The following MAPKAP1 variants were observed in gnomAD, a reference collection of about 807,000 sequenced individuals.
MAPKAP1 encodes MAPK associated protein 1, also known as target of rapamycin complex 2 subunit MAPKAP1.
In MAPKAP1, 20 loss-of-function variants were observed where a neutral mutation model predicts 65.7. The observed-to-expected ratio is 0.30, with a 90% CI of 0.21 to 0.44. MAPKAP1 has a LOEUF of 0.44. MAPKAP1 is among the 20% of genes least tolerant of loss of function. The pLI, the probability that MAPKAP1 is intolerant of heterozygous loss-of-function variation, is 1.00. For synonymous variants in MAPKAP1, 222 were observed against 244.3 expected (o/e 0.91, Z 0.85); for missense variants, 423 against 648.0 (o/e 0.65, Z 3.77).
chr9:125,527,996 C>T (rs1426488661), intron 7 of MAPKAP1, among the ~76,000 whole-genome samples: 1 of 152,196 alleles, frequency 6.6e-6, no homozygotes, highest in African/African-American at 2.4e-5. Flanking sequence ...AGACACGTGG[C>T]TACGAGCTGT....
At chr9:125,537,960 T>C (rs1830120772) in intron 7 of MAPKAP1, among the ~76,000 whole-genome samples, 1 of 152,116 alleles carries the variant, frequency 6.6e-6, no homozygotes, top group South Asian at 2.1e-4. Context: ...TGGCCTTGAG[T>C]GCCCAGGGTC....
At chr9:125,677,567 G>A (rs1403238224) in intron 1 of MAPKAP1, among the ~76,000 whole-genome samples, 1 of 152,028 alleles carries the variant, frequency 6.6e-6, no homozygotes, top group Non-Finnish European at 1.5e-5. Context: ...GTGGTGGTGC[G>A]TACCTATAGT....
chr9:125,508,072 G>C (rs954548434), intron 7 of MAPKAP1, among the ~76,000 whole-genome samples: 4 of 152,010 alleles, frequency 2.6e-5, no homozygotes, highest in African/African-American at 9.7e-5. Flanking sequence ...AGGCTGAGGC[G>C]GGGGGATTGC....
chr9:125,651,407 C>T (rs1276850619), intron 4 of MAPKAP1, among the ~76,000 whole-genome samples: 1 of 151,828 alleles, frequency 6.6e-6, no homozygotes, highest in Non-Finnish European at 1.5e-5. Flanking sequence ...GAGTTTGAGA[C>T]GAGCCTGGCC....
chr9:125,576,549 C>T (rs893327602), intron 5 of MAPKAP1, among the ~76,000 whole-genome samples: 3 of 152,204 alleles, frequency 2.0e-5, no homozygotes, highest in African/African-American at 7.2e-5. Context: ...TCTCTTTCCA[C>T]GGTCTCCCTC....
At chr9:125,524,136 C>G (rs1413893669) in intron 7 of MAPKAP1, among the ~76,000 whole-genome samples, 1 of 152,210 alleles carries the variant, frequency 6.6e-6, no homozygotes, top group East Asian at 1.9e-4. Context: ...AATACACTCC[C>G]AGCACTTTAA....
At chr9:125,457,670 T>C (rs1287057487) in intron 10 of MAPKAP1, among the ~76,000 whole-genome samples, 1 of 152,240 alleles carries the variant, frequency 6.6e-6, no homozygotes, top group Non-Finnish European at 1.5e-5. Context: ...TCAAGATTCC[T>C]TTTAAGGTTT....
At position 125,505,963 on chromosome 9, in the gene MAPKAP1, T is replaced by TA. The variant is rs149736666; in HGVS notation, c.1066+346dup. ...AATTTTCTAAAACCTGATGTCTGAA[T>TA]AGTGATACTGACAGGGCCAGCTGCT... On this transcript the variant is annotated intron_variant, in intron 8 of 11. Transcript: ENST00000265960. 2.5e-3 allele frequency: 721 copies of TA among 283,828 alleles called. 19 individuals carry two copies. Among genetic ancestry groups the TA allele is most frequent in the East Asian group, 0.023 (309 of 13,262 alleles). 17.6% of individuals were successfully genotyped at this position (283,828 alleles called of 1,614,324 possible). A position where few individuals can be genotyped will look rare whatever the true frequency, so the allele number is the denominator to read the frequency against.
chr9:125,603,146 C>A (rs557085862), intron 4 of MAPKAP1, among the ~76,000 whole-genome samples: 1 of 152,084 alleles, frequency 6.6e-6, no homozygotes, highest in South Asian at 2.1e-4. Context: ...TGGGCTCAAA[C>A]GAGCCTCCCA....
Position 125,582,650 on chromosome 9 carries a change from C to T in MAPKAP1, c.671+2905G>A, listed in dbSNP as rs373385640. 1.1e-4 allele frequency among the ~76,000 whole-genome samples: 17 copies of T among 152,148 alleles called. No homozygotes were observed. In the South Asian group the frequency reaches 1.2e-3, roughly 11 times the overall value. ...CACTGCTCTCTCTATTCCTTGGCAC[C>T]CCAGAAACACAACTTTAAATGAGCC... On this transcript the variant is annotated intron_variant, in intron 5 of 11. Coordinates refer to ENST00000265960, the MANE Select transcript of MAPKAP1 (RefSeq NM_001006617.3).
At chr9:125,606,554 T>C (rs1458811291) in intron 4 of MAPKAP1, among the ~76,000 whole-genome samples, 1 of 152,184 alleles carries the variant, frequency 6.6e-6, no homozygotes, top group Non-Finnish European at 1.5e-5. Flanking sequence ...TGAGATACTG[T>C]CCTCGCACAT....
chr9:125,502,101 C>CTTTTTTTTTTTTT (rs569835380), intron 8 of MAPKAP1, among the ~76,000 whole-genome samples: 1 of 144,552 alleles, frequency 6.9e-6, no homozygotes, highest in Non-Finnish European at 1.5e-5. Context: ...CTTTCTTCTT[C>CTTTTTTTTTTTTT]TTTTTTTTTT....
At chr9:125,461,166 A>C (rs571561384) in intron 10 of MAPKAP1, among the ~76,000 whole-genome samples, 1 of 152,226 alleles carries the variant, frequency 6.6e-6, no homozygotes, top group Non-Finnish European at 1.5e-5. Flanking sequence ...GAACCTAAGA[A>C]GACAGTTCAA....
At chr9:125,582,008 T>G (rs981031049) in intron 5 of MAPKAP1, among the ~76,000 whole-genome samples, 1 of 152,136 alleles carries the variant, frequency 6.6e-6, no homozygotes, top group African/African-American at 2.4e-5. Context: ...AGCCTTTGAA[T>G]CTTTCCTTCA....
At chr9:125,545,927 C>A (rs1350553294) in intron 6 of MAPKAP1, among the ~76,000 whole-genome samples, 4 of 152,196 alleles carry the variant, frequency 2.6e-5, no homozygotes, top group Admixed American at 6.5e-5. Flanking sequence ...TCTTTTGTTA[C>A]AGAATACATA....
chr9:125,621,345 G>A (rs971661332), intron 4 of MAPKAP1, among the ~76,000 whole-genome samples: 1 of 151,904 alleles, frequency 6.6e-6, no homozygotes, highest in African/African-American at 2.4e-5. Flanking sequence ...TGGTGGACAT[G>A]TACTATCTCA....
rs374009285 is a variant in MAPKAP1, at chr9:125,520,990, T to G, written c.959-14573A>C. Among the ~76,000 whole-genome samples the G allele has an allele frequency of 1.2e-4, 19 of 152,326 alleles. 1 individual carries two copies. In the East Asian group the frequency reaches 3.5e-3, roughly 28 times the overall value. ...CCCAGGTCCATCTTCAGTAGCCACC[T>G]ATCCCAACACATATCCTACCAAAGT... On this transcript the variant is annotated intron_variant, in intron 7 of 11. Coordinates refer to ENST00000265960, the MANE Select transcript of MAPKAP1 (RefSeq NM_001006617.3).
At chr9:125,631,531 T>C (rs927964155) in intron 4 of MAPKAP1, among the ~76,000 whole-genome samples, 1 of 152,228 alleles carries the variant, frequency 6.6e-6, no homozygotes, top group Admixed American at 6.5e-5. Flanking sequence ...CACTTATAGT[T>C]GTAAATGTCT....
At chr9:125,542,102 A>G (rs1253853577) in intron 7 of MAPKAP1, among the ~76,000 whole-genome samples, 1 of 152,104 alleles carries the variant, frequency 6.6e-6, no homozygotes, top group Non-Finnish European at 1.5e-5. Context: ...TCATTGCTCC[A>G]TTCAATTGCT....
Sources: allele counts gnomAD v4.1 joint callset (sites outside exome capture counted in the v4.1 genomes callset), GRCh38; gene constraint gnomAD v4.1.1; transcripts MANE v1.5; gene names NCBI Gene and HGNC (gene_info 2026-07-23, HGNC 2026-07-21).